VEPH1: variants seen among roughly 807,000 people sequenced by gnomAD.
VEPH1 encodes ventricular zone-expressed PH domain-containing protein homolog 1.
Under a neutral mutation model 85.2 loss-of-function variants are expected in VEPH1, and 80 were observed. The ratio of observed to expected loss-of-function variants is 0.94; its 90% confidence interval spans 0.78 to 1.13. VEPH1 has a LOEUF of 1.13. Among genes scored for constraint, VEPH1 ranks in the 50% most tolerant of loss-of-function variants. The pLI is 0.00. For missense variants in VEPH1, 955 were observed against 980.5 expected, an observed-to-expected ratio of 0.97 and a Z score of 0.35; for synonymous variants, 297 against 348.0, an observed-to-expected ratio of 0.85 and a Z score of 1.63.
chr3:157,379,395 G>T (rs1033913582), intron 7 of VEPH1, among the ~76,000 whole-genome samples: 1 of 152,056 alleles, frequency 6.6e-6, no homozygotes, highest in African/African-American at 2.4e-5. Flanking sequence ...GAAATGCTTG[G>T]CACATGGAAG....
intron 4 of VEPH1, among the ~76,000 whole-genome samples, chr3:157,457,453 T>C (rs1456990546): frequency 6.6e-6 from 1 of 152,236 alleles, no homozygotes; most frequent in Non-Finnish European, 1.5e-5. Flanking sequence ...GTCCTTGTCT[T>C]GTGCCAGTTT....
chr3:157,280,188 TA>T (rs1012994203), intron 12 of VEPH1, among the ~76,000 whole-genome samples: 1 of 152,100 alleles, frequency 6.6e-6, no homozygotes, highest in African/African-American at 2.4e-5. Flanking sequence ...TATTTTATTT[TA>T]AAAACTGCAC....
chr3:157,372,495 C>A (rs985011017), intron 7 of VEPH1, among the ~76,000 whole-genome samples: 2 of 152,154 alleles, frequency 1.3e-5, no homozygotes, highest in African/African-American at 2.4e-5. Context: ...ACCATTTTTC[C>A]TCAACTGTAA....
At chr3:157,264,083 G>T (rs2108241837) in intron 13 of VEPH1, among the ~76,000 whole-genome samples, 1 of 152,286 alleles carries the variant, frequency 6.6e-6, no homozygotes, top group South Asian at 2.1e-4. Context: ...CCCCATTGTG[G>T]GTGGGCATCA....
At chr3:157,341,546 TG>T in intron 9 of VEPH1, among the ~76,000 whole-genome samples, 1 of 142,290 alleles carries the variant, frequency 7.0e-6, no homozygotes, top group East Asian at 2.3e-4. Context: ...AATCTATGTC[TG>T]ATTGGTGTAC....
At chr3:157,270,613 G>A (rs115492030) in intron 12 of VEPH1, among the ~76,000 whole-genome samples, 1 of 152,006 alleles carries the variant, frequency 6.6e-6, no homozygotes, top group Non-Finnish European at 1.5e-5. Context: ...AATAATAACA[G>A]GTCTCCCAGA....
chr3:157,463,304 A>G (rs561079684), intron 3 of VEPH1, among the ~76,000 whole-genome samples: 35 of 152,284 alleles, frequency 2.3e-4, no homozygotes, highest in African/African-American at 7.9e-4. Flanking sequence ...CCATAACCTA[A>G]CCTGATATCC....
At chr3:157,276,437 C>G (rs904696334) in intron 12 of VEPH1, among the ~76,000 whole-genome samples, 18 of 152,158 alleles carry the variant, frequency 1.2e-4, no homozygotes, top group African/African-American at 4.1e-4. Flanking sequence ...GGGTGAGAAG[C>G]CTTGCATGTT....
At chr3:157,492,452 T>A (rs920554840) in intron 2 of VEPH1, among the ~76,000 whole-genome samples, 1 of 152,196 alleles carries the variant, frequency 6.6e-6, no homozygotes, top group African/African-American at 2.4e-5. Flanking sequence ...AGTTGATGGC[T>A]ACAACATGAG....
chr3:157,321,332 A>G (rs1340155679), intron 9 of VEPH1, among the ~76,000 whole-genome samples: 1 of 152,180 alleles, frequency 6.6e-6, no homozygotes, highest in Non-Finnish European at 1.5e-5. Context: ...CTGCCAGACT[A>G]TAAGTATTTA....
intron 12 of VEPH1, among the ~76,000 whole-genome samples, chr3:157,271,085 A>G (rs1714489639): frequency 6.6e-6 from 1 of 152,170 alleles, no homozygotes; most frequent in Non-Finnish European, 1.5e-5. Context: ...ACTCAGAAAC[A>G]AGTAAAGCAG....
At chr3:157,349,231 T>G (rs1035126971) in intron 9 of VEPH1, among the ~76,000 whole-genome samples, 7 of 152,170 alleles carry the variant, frequency 4.6e-5, no homozygotes, top group African/African-American at 1.7e-4. Flanking sequence ...GTTCAATATA[T>G]GCAAATCAAT....
At chr3:157,466,047 A>G (rs969750973) in intron 3 of VEPH1, among the ~76,000 whole-genome samples, 7 of 152,214 alleles carry the variant, frequency 4.6e-5, no homozygotes, top group African/African-American at 1.4e-4. Context: ...TGAACTTTCA[A>G]TTCTCTAGAA....
intron 2 of VEPH1, among the ~76,000 whole-genome samples, chr3:157,482,262 C>T (rs531326957): frequency 4.5e-4 from 68 of 152,198 alleles, no homozygotes; most frequent in African/African-American, 1.5e-3. Context: ...CTCACTCTGT[C>T]GCCCAGGCTG....
chr3:157,294,962 T>G (rs1346526986), intron 11 of VEPH1, among the ~76,000 whole-genome samples: 1 of 152,130 alleles, frequency 6.6e-6, no homozygotes, highest in Non-Finnish European at 1.5e-5. Flanking sequence ...CCTGGAGGGG[T>G]TTATTTACAT....
intron 5 of VEPH1, among the ~76,000 whole-genome samples, chr3:157,425,505 T>G (rs766868698): frequency 6.6e-6 from 1 of 152,128 alleles, no homozygotes; most frequent in Non-Finnish European, 1.5e-5. Flanking sequence ...ATGGAGTCAA[T>G]GGAGATCATT....
intron 2 of VEPH1, chr3:157,489,028 T>C (rs1165178987): frequency 4.7e-6 from 2 of 421,778 alleles, no homozygotes; most frequent in Non-Finnish European, 9.6e-6. Context: ...ATCTTCAAAA[T>C]ACATCCAGGA....
intron 6 of VEPH1, among the ~76,000 whole-genome samples, chr3:157,411,971 T>C (rs1393764601): frequency 6.6e-6 from 1 of 152,172 alleles, no homozygotes; most frequent in Admixed American, 6.5e-5. Flanking sequence ...GGTGACTCGA[T>C]CACGAGGGTG....
At chr3:157,274,859 T>C (rs1272291770) in intron 12 of VEPH1, among the ~76,000 whole-genome samples, 1 of 152,174 alleles carries the variant, frequency 6.6e-6, no homozygotes, top group Non-Finnish European at 1.5e-5. Flanking sequence ...TACAAGACAG[T>C]AAACTGCCAT....
Sources: gnomAD v4.1 joint callset for allele counts (sites outside exome capture counted in the v4.1 genomes callset) on GRCh38, gnomAD v4.1.1 for gene constraint, MANE v1.5 for transcripts, NCBI Gene and HGNC (gene_info 2026-07-23, HGNC 2026-07-21) for gene names.